Variants in IPPK observed in about 807,000 individuals in gnomAD.
IPPK encodes IPK1 homolog.
IPPK carries 22 observed loss-of-function variants against 64.6 expected under a neutral mutation model. The observed-to-expected ratio is 0.34, with a 90% CI of 0.24 to 0.49. The LOEUF is 0.49. Among genes scored for constraint, IPPK ranks in the 20% least tolerant of loss-of-function variants. The pLI, the probability that IPPK is intolerant of heterozygous loss-of-function variation, is 0.99. For synonymous variants in IPPK, 262 were observed against 247.2 expected, an observed-to-expected ratio of 1.06 and a Z score of -0.56; for missense variants, 532 against 630.7, an observed-to-expected ratio of 0.84 and a Z score of 1.68.
intron 10 of IPPK, among the ~76,000 whole-genome samples, chr9:92,634,723 C>T (rs536165887): frequency 1.3e-5 from 2 of 152,296 alleles, no homozygotes; most frequent in Admixed American, 6.5e-5. Context: ...AAGTAGCATC[C>T]TGCGTCAGAG....
chr9:92,663,452 G>C (rs977997472), intron 1 of IPPK, among the ~76,000 whole-genome samples: 1 of 152,210 alleles, frequency 6.6e-6, no homozygotes, highest in Non-Finnish European at 1.5e-5. Context: ...GTTAAGCGAT[G>C]CTTGACAATA....
intron 6 of IPPK, among the ~76,000 whole-genome samples, chr9:92,647,433 C>T (rs907625977): frequency 2.0e-5 from 3 of 152,066 alleles, no homozygotes; most frequent in Admixed American, 6.6e-5. Flanking sequence ...AGTTATTACA[C>T]TAGTACCAAA....
chr9:92,633,988 G>A (rs1851891468), intron 11 of IPPK, among the ~76,000 whole-genome samples: 1 of 152,246 alleles, frequency 6.6e-6, no homozygotes, highest in Non-Finnish European at 1.5e-5. Context: ...CTAAGGGAAG[G>A]AAGCCGCCCG....
At position 92,638,080 on chromosome 9, in the gene IPPK, G is replaced by A. The variant is rs1193603096; in HGVS notation, c.837C>T (p.Gly279=). 1.2e-6 allele frequency: 2 copies of A among 1,612,428 alleles called. No individual in the cohort carries two copies. Among genetic ancestry groups the A allele is most frequent in the Non-Finnish European group, 1.7e-6 (2 of 1,179,506 alleles). The part of the protein sequence containing the change: ...LLSGSDKGRA[G]TLSPGLGPQG... ...GAGGCCCGAGCCCCGGACTCAGGGT[G>A]CCTGCCCGGCCCTTGTCCGAGCCAC... The change falls in exon 9 of 13, where the codon GGC becomes GGT. Residue 279 remains glycine (G), a synonymous_variant. Transcript: ENST00000287996.
chr9:92,655,436 T>C (rs1451759007), intron 3 of IPPK, among the ~76,000 whole-genome samples: 1 of 152,110 alleles, frequency 6.6e-6, no homozygotes, highest in Non-Finnish European at 1.5e-5. Context: ...GGCGGCCTTG[T>C]GGGTTGAGCC....
chr9:92,643,437 G>A (rs1852089815), intron 6 of IPPK, among the ~76,000 whole-genome samples: 1 of 152,016 alleles, frequency 6.6e-6, no homozygotes, highest in Non-Finnish European at 1.5e-5. Context: ...TCCACTAGTG[G>A]GACCAGCACA....
chr9:92,615,999 C>G lies in IPPK; in HGVS notation c.1309G>C (p.Val437Leu), dbSNP rs140908371. The part of the protein sequence containing the change: ...SRSRFAFSVS[V>L]LDLDLKPYES... ...TAGGGCTTGAGGTCAAGGTCCAGCA[C>G]AGACACGGAAAAGGCAAACCTGGAC... is the stretch of plus-strand genomic sequence containing the variant. The change falls in exon 13 of 13, where the codon GTG (valine) becomes CTG (leucine). Residue 437 changes from valine to leucine, a missense_variant. By Grantham distance (32) the Val-to-Leu change is conservative. Coordinates refer to ENST00000287996, the MANE Select transcript of IPPK (RefSeq NM_022755.6). 65 of 1,614,088 alleles carry G rather than the reference C, an allele frequency of 4.0e-5. No individual in the cohort carries two copies. The highest frequency in any genetic ancestry group is 5.5e-5 in the Non-Finnish European group (65 of 1,180,044).
At chr9:92,632,209 T>C (rs1011497130) in intron 11 of IPPK, among the ~76,000 whole-genome samples, 2 of 152,068 alleles carry the variant, frequency 1.3e-5, no homozygotes, top group African/African-American at 4.8e-5. Context: ...TTGGTGAGTG[T>C]CAGTCTTCAT....
rs1851933088 is a variant in IPPK, at chr9:92,635,893, T to C, written c.917-585A>G. ...ACACTGTCTGCAGAGTCCAGAGCCA[T>C]GAGCCCACACTGAGAGGCAGGTAAG... On this transcript the variant is annotated intron_variant, in intron 9 of 12. Transcript: ENST00000287996. This position sits in a 1 kb window ranked among gnomAD's most constrained non-coding sequence, Gnocchi z 4.4. Among the ~76,000 whole-genome samples, 1 of 152,070 alleles carries C rather than the reference T, an allele frequency of 6.6e-6. No individual in the cohort carries two copies. The highest frequency in any genetic ancestry group is 1.9e-4 in the East Asian group (1 of 5,170).
intron 11 of IPPK, among the ~76,000 whole-genome samples, chr9:92,628,035 C>A (rs192694623): frequency 4.6e-5 from 7 of 152,276 alleles, no homozygotes; most frequent in Admixed American, 2.0e-4. Flanking sequence ...TGTATTTCTA[C>A]ACCTGAATAC....
intron 6 of IPPK, among the ~76,000 whole-genome samples, chr9:92,647,791 C>A (rs1034244175): frequency 1.7e-4 from 26 of 152,092 alleles, no homozygotes; most frequent in African/African-American, 5.8e-4. Context: ...CTTTGGGAGG[C>A]CAAGGCAGGT....
At chr9:92,617,328 C>G (rs1389924774) in intron 12 of IPPK, 1 of 152,244 alleles carries the variant, frequency 6.6e-6, no homozygotes, top group Non-Finnish European at 1.5e-5. Flanking sequence ...AAAGGACACC[C>G]CAATTTCTCA....
rs1851930216 is a variant in IPPK at position 92,635,726 on chromosome 9, T to C, written c.917-418A>G. Among the ~76,000 whole-genome samples the C allele has an allele frequency of 6.6e-6, 1 of 152,044 alleles. No homozygotes were observed. Among genetic ancestry groups the C allele is most frequent in the Non-Finnish European group, 1.5e-5 (1 of 67,980 alleles). On this transcript the variant is annotated intron_variant, in intron 9 of 12. Coordinates refer to ENST00000287996, the MANE Select transcript of IPPK (RefSeq NM_022755.6). This position sits in a 1 kb window ranked among gnomAD's most constrained non-coding sequence, Gnocchi z 4.4. ...CTTCTTTTTCTTTTCTTTTTTTTTT[T>C]TGAGACAGAGTCTTGCTCTCTGTGG... is the stretch of plus-strand genomic sequence containing the variant.
At chr9:92,619,708 G>T in intron 11 of IPPK, 143 bp from the exon 12 acceptor site, 1 of 731,328 alleles carries the variant, frequency 1.4e-6, no homozygotes, top group Non-Finnish European at 2.3e-6. Context: ...GCCACGGTGA[G>T]CACGGGCGTC....
intron 1 of IPPK, among the ~76,000 whole-genome samples, chr9:92,669,337 T>C (rs1038226716): frequency 2.0e-5 from 3 of 152,220 alleles, no homozygotes; most frequent in Admixed American, 6.5e-5. Context: ...TGAATTCAGG[T>C]GAAAGCCTTC....
At chr9:92,628,273 T>C (rs1297536350) in intron 11 of IPPK, among the ~76,000 whole-genome samples, 3 of 152,214 alleles carry the variant, frequency 2.0e-5, no homozygotes, top group Non-Finnish European at 4.4e-5. Flanking sequence ...TACAGATTCC[T>C]CAAGTCCCTA....
chr9:92,639,417 T>G (rs1852004884), intron 8 of IPPK, among the ~76,000 whole-genome samples: 1 of 152,198 alleles, frequency 6.6e-6, no homozygotes, highest in Non-Finnish European at 1.5e-5. Flanking sequence ...CCGGACCAGA[T>G]CGGCGGGAGA....
intron 11 of IPPK, among the ~76,000 whole-genome samples, chr9:92,631,539 G>A (rs1215070003): frequency 6.6e-6 from 1 of 152,208 alleles, no homozygotes; most frequent in East Asian, 1.9e-4. Context: ...AGGAAGGAAT[G>A]TCCTCAGCCT....
chr9:92,663,454 T>C (rs1454472039), intron 1 of IPPK, among the ~76,000 whole-genome samples: 1 of 152,208 alleles, frequency 6.6e-6, no homozygotes, highest in Non-Finnish European at 1.5e-5. Flanking sequence ...TAAGCGATGC[T>C]TGACAATAAA....
Sources: allele counts gnomAD v4.1 joint callset (sites outside exome capture counted in the v4.1 genomes callset), GRCh38; gene constraint gnomAD v4.1.1; non-coding constraint Gnocchi (gnomAD v3.1); transcripts MANE v1.5; gene names NCBI Gene and HGNC (gene_info 2026-07-23, HGNC 2026-07-21).